Variants in TMPRSS3 observed in about 807,000 individuals in gnomAD.
The protein encoded by TMPRSS3 is transmembrane protease serine 3.
A neutral mutation model predicts 59.6 loss-of-function variants in TMPRSS3; 55 were observed. The observed-to-expected ratio is 0.92, with a 90% CI of 0.74 to 1.16. The LOEUF is 1.16. TMPRSS3 is among the 50% of genes most tolerant of loss of function. The pLI, the probability that TMPRSS3 is intolerant of heterozygous loss-of-function variation, is 0.00. For synonymous variants in TMPRSS3, 257 were observed against 237.7 expected (o/e 1.08, Z -0.75); for missense variants, 596 against 579.4 (o/e 1.03, Z -0.29).
chr21:42,383,040 C>T lies in TMPRSS3; in HGVS notation c.775G>A (p.Val259Ile). The T allele has an allele frequency of 1.9e-6, 3 of 1,614,152 alleles. No individual in the cohort carries two copies. Among genetic ancestry groups the T allele is most frequent in the South Asian group, 2.2e-5 (2 of 91,090 alleles). The change falls in exon 8 of 13, where the codon GTT becomes ATT. Residue 259 changes from valine to isoleucine, a missense_variant. Coordinates refer to ENST00000644384, the MANE Select transcript of TMPRSS3 (RefSeq NM_001256317.3). Reference sequence around the variant, plus strand: ...ATGGTCAGCAGCACTCACTCATAAACACAGTGTGCAGCAGTGATGATCCAC... The same window carrying T: ...ATGGTCAGCAGCACTCACTCATAAATACAGTGTGCAGCAGTGATGATCCAC... ...PLWIITAAHCVYDLYLPKSWT... is the reference protein window; with the variant it reads ...PLWIITAAHCIYDLYLPKSWT...
At chr21:42,385,620 G>A (rs1460353965) in intron 5 of TMPRSS3, 86 bp from the exon 6 acceptor site, 4 of 1,536,752 alleles carry the variant, frequency 2.6e-6, no homozygotes, top group Non-Finnish European at 3.6e-6. Flanking sequence ...AATATTACAG[G>A]GATTGTACAT....
intron 7 of TMPRSS3, 65 bp from the exon 8 acceptor site, chr21:42,383,263 C>CCA: frequency 1.3e-6 from 2 of 1,546,036 alleles, no homozygotes; most frequent in Non-Finnish European, 1.8e-6. Context: ...ATGGTGTCAC[C>CCA]ACCATGCACC....
chr21:42,380,962 G>A (rs577221026), intron 9 of TMPRSS3, among the ~76,000 whole-genome samples: 14 of 152,306 alleles, frequency 9.2e-5, no homozygotes, highest in African/African-American at 3.1e-4. Context: ...AATAATAGTT[G>A]GCAGACTGGC....
chr21:42,377,086 G>C (rs1219068011), intron 10 of TMPRSS3, among the ~76,000 whole-genome samples: 1 of 152,248 alleles, frequency 6.6e-6, no homozygotes, highest in Admixed American at 6.5e-5. Context: ...CAGCGTCTTT[G>C]TGAACTCTGG....
At chr21:42,381,862 G>T in intron 9 of TMPRSS3, 1 of 731,916 alleles carries the variant, frequency 1.4e-6, no homozygotes, top group Non-Finnish European at 2.4e-6. Context: ...AAAATCACTT[G>T]TCATACCAAG....
chr21:42,388,502 A>G lies in TMPRSS3; in HGVS notation c.347T>C (p.Val116Ala), dbSNP rs201007237. The change falls in exon 5 of 13, where the codon GTG (valine) becomes GCG (alanine). Residue 116 changes from valine to alanine, a missense_variant. Coordinates refer to ENST00000644384, the MANE Select transcript of TMPRSS3 (RefSeq NM_001256317.3). The surrounding 1 kb of genome is among the most constrained non-coding windows in gnomAD (Gnocchi z 5.1). ...RCVRVGGQNA[V>A]LQVFTAASWK... is the part of the protein sequence containing the mutation. ...CGAAGCAGCTGTGAACACCTGGAGC[A>G]CGGCATTCTGACCACCCACCCGGAC... 6.8e-5 allele frequency: 109 copies of G among 1,614,090 alleles called. 3 individuals are homozygous for G. The Admixed American group carries it at 1.8e-3, about 27-fold the overall frequency.
Position 42,388,862 on chromosome 21 carries a change from T to C in TMPRSS3, c.322+67A>G, listed in dbSNP as rs2052682387. ...CAATGACTTGGACCCATTTTACAGA[T>C]GGGAAGGGTCAGGGTTGGCTTCTGC... On this transcript the variant is annotated intron_variant, in intron 4 of 12. Transcript: ENST00000644384. This position sits in a 1 kb window ranked among gnomAD's most constrained non-coding sequence, Gnocchi z 5.1. The C allele has an allele frequency of 5.8e-6, 8 of 1,367,968 alleles. No individual in the cohort carries two copies. Among genetic ancestry groups the C allele is most frequent in the Non-Finnish European group, 7.3e-6 (7 of 956,938 alleles). The allele number at this position is 1,367,968 out of a possible 1,614,324, so 84.7% of individuals were successfully genotyped here. A position where few individuals can be genotyped will look rare whatever the true frequency, so the allele number is the denominator to read the frequency against.
chr21:42,386,340 C>T (rs1601528205), intron 5 of TMPRSS3, among the ~76,000 whole-genome samples: 1 of 152,214 alleles, frequency 6.6e-6, no homozygotes, highest in Non-Finnish European at 1.5e-5. Context: ...AAAGTTCAGT[C>T]AACTTTGAGT....
chr21:42,380,057 C>T, intron 10 of TMPRSS3, 60 bp downstream of exon 10: 2 of 1,421,718 alleles, frequency 1.4e-6, no homozygotes, highest in Non-Finnish European at 2.0e-6. Flanking sequence ...GGGGAGCCCC[C>T]TCCGCAGCCC....
At position 42,383,191 on chromosome 21, in the gene TMPRSS3, A is replaced by G; in HGVS notation, c.624T>C (p.Gly208=). ...HVVTLQCTAC[G]HRRGYSSRIV... The stretch of plus-strand genomic sequence containing the variant: ...TGCGTGAGCTGTAGCCCCTTCTATG[A>G]CCACAGGCTATGGAGGGGAACAAAG... The change falls in exon 8 of 13, where the codon GGT becomes GGC. Residue 208 remains glycine, a synonymous_variant. Coordinates refer to ENST00000644384, the MANE Select transcript of TMPRSS3 (RefSeq NM_001256317.3). The G allele has an allele frequency of 6.2e-7, 1 of 1,611,896 alleles. No individual in the cohort carries two copies. Among genetic ancestry groups the G allele is most frequent in the South Asian group, 1.1e-5 (1 of 90,768 alleles).
intron 8 of TMPRSS3, 138 bp from the exon 9 acceptor site, chr21:42,382,372 A>G: frequency 1.3e-6 from 1 of 767,520 alleles, no homozygotes; most frequent in East Asian, 2.7e-5. Flanking sequence ...CTGCTTGTTT[A>G]TGCTGTATAT....
chr21:42,373,476 G>C (rs1239771835), intron 12 of TMPRSS3, among the ~76,000 whole-genome samples: 1 of 152,222 alleles, frequency 6.6e-6, no homozygotes, highest in Admixed American at 6.5e-5. Flanking sequence ...CACAACAGGG[G>C]AAACTGCCTC....
intron 3 of TMPRSS3, 110 bp downstream of exon 3, chr21:42,389,817 G>A (rs898058372): frequency 1.5e-5 from 13 of 843,506 alleles, no homozygotes; most frequent in Non-Finnish European, 2.6e-5. Context: ...TTTGCCTCCA[G>A]TAATTAAGGC....
Position 42,395,393 on chromosome 21 carries a change from C to T in TMPRSS3, c.25G>A (p.Val9Ile). 2 of 1,614,194 alleles carry T rather than the reference C, an allele frequency of 1.2e-6. No homozygotes were observed. Among genetic ancestry groups the T allele is most frequent in the Non-Finnish European group, 1.7e-6 (2 of 1,180,026 alleles). The change falls in exon 2 of 13, where the codon GTT becomes ATT. Residue 9 changes from valine (V) to isoleucine (I), a missense_variant. Physicochemically the swap from Val to Ile is conservative, Grantham distance 29. Transcript: ENST00000644384. MGENDPPAVEAPFSFRSLF... is the reference protein window; with the variant it reads MGENDPPAIEAPFSFRSLF... ...GATCGGAATGAGAAGGGGGCTTCAA[C>T]AGCAGGCGGATCATTTTCCCCCATG... is the stretch of plus-strand genomic sequence containing the variant.
chr21:42,382,943 C>G, intron 8 of TMPRSS3, 90 bp downstream of exon 8: 1 of 1,520,506 alleles, frequency 6.6e-7, no homozygotes, highest in Middle Eastern at 1.7e-4. Flanking sequence ...TGTCTTCCCT[C>G]TGGACCCGCT....
At chr21:42,379,182 G>A (rs900843187) in intron 10 of TMPRSS3, among the ~76,000 whole-genome samples, 22 of 152,064 alleles carry the variant, frequency 1.4e-4, no homozygotes, top group Middle Eastern at 3.4e-3. Context: ...CACTGCACCC[G>A]GCCCAGGCTA....
chr21:42,383,766 G>C (rs935817870), intron 7 of TMPRSS3: 5 of 716,994 alleles, frequency 7.0e-6, no homozygotes, highest in East Asian at 2.7e-5. Flanking sequence ...TGCTCTGGCT[G>C]TCTCCCCCAC....
Position 42,382,117 on chromosome 21 carries a change from C to T in TMPRSS3, c.900G>A (p.Arg300=), listed in dbSNP as rs764821256. ...TCATAAGGGCGATGTCATTGCCCAGCCTCTTTGGCTTGTACTTGCTGTGGT... is the reference window on the plus strand; with the variant it reads ...TCATAAGGGCGATGTCATTGCCCAGTCTCTTTGGCTTGTACTTGCTGTGGT... The part of the protein sequence containing the change: ...IVYHSKYKPK[R]LGNDIALMKL... Residue 300 remains arginine (R), a synonymous_variant, in exon 9 of 13, where the codon AGG becomes AGA. Transcript: ENST00000644384. 4.3e-6 allele frequency: 7 copies of T among 1,614,104 alleles called. No homozygotes were observed. The East Asian group carries it at 1.3e-4, about 31-fold the overall frequency.
rs1296099981 is a variant in TMPRSS3, at chr21:42,393,440, G to T, written c.94+1884C>A. 2.0e-5 allele frequency among the ~76,000 whole-genome samples: 3 copies of T among 152,120 alleles called. No individual in the cohort carries two copies. In the East Asian group the frequency reaches 5.8e-4, roughly 29 times the overall value. On this transcript the variant is annotated intron_variant, in intron 2 of 12. Transcript: ENST00000644384. Reference sequence around the variant, plus strand: ...GACACCGGAAAGCTCAAAAACAGATGAAAGTTTTGACCTAGCAGTTCCACT... The same window carrying T: ...GACACCGGAAAGCTCAAAAACAGATTAAAGTTTTGACCTAGCAGTTCCACT...
Sources: gnomAD v4.1 joint callset for allele counts (sites outside exome capture counted in the v4.1 genomes callset) on GRCh38, gnomAD v4.1.1 for gene constraint, Gnocchi (gnomAD v3.1) non-coding constraint, MANE v1.5 for transcripts, NCBI Gene and HGNC (gene_info 2026-07-23, HGNC 2026-07-21) for gene names.